Variants in TAX1BP1 observed in about 807,000 individuals in gnomAD.
TAX1BP1 encodes the protein tax1-binding protein 1.
TAX1BP1 carries 62 observed loss-of-function variants against 97.7 expected under a neutral mutation model. The observed-to-expected ratio is 0.63, with a 90% CI of 0.52 to 0.78. TAX1BP1 has a LOEUF of 0.78. Ranked by LOEUF, TAX1BP1 falls within the 30% of genes least tolerant of loss-of-function variation. The probability of loss-of-function intolerance (pLI) is 0.00; values close to 1 mark genes in which losing one functional copy is unlikely to be tolerated. For synonymous variants in TAX1BP1, 340 were observed against 304.2 expected, an observed-to-expected ratio of 1.12 and a Z score of -1.23; for missense variants, 867 against 916.1, an observed-to-expected ratio of 0.95 and a Z score of 0.69.
rs1391522248 is a variant in TAX1BP1, at chr7:27,787,598, A to G, written c.1033A>G (p.Ser345Gly). Reference sequence around the variant, plus strand: ...AAGAACTTTCCTGCTTACAACCTCAAGTAAAGTAAGTACTTTTGCTATATA... The same window carrying G: ...AAGAACTTTCCTGCTTACAACCTCAGGTAAAGTAAGTACTTTTGCTATATA... ...LQRTFLLTTSSKEDTCFLKEQ... is the reference protein window; with the variant it reads ...LQRTFLLTTSGKEDTCFLKEQ... Residue 345 changes from serine (S) to glycine (G), a missense_variant, in exon 8 of 17, where the codon AGT (serine) becomes GGT (glycine). Ser to Gly is a moderately conservative substitution (Grantham distance 56, BLOSUM62 0). Around this residue, in one of 3 missense-constraint regions of TAX1BP1, gnomAD observed 822 missense variants for 851.4 expected, o/e 0.97. Coordinates refer to ENST00000396319, the MANE Select transcript of TAX1BP1 (RefSeq NM_006024.7). 1 of 1,604,976 alleles carries G rather than the reference A, an allele frequency of 6.2e-7. No individual in the cohort carries two copies. Among genetic ancestry groups the G allele is most frequent in the Non-Finnish European group, 8.5e-7 (1 of 1,176,756 alleles).
chr7:27,754,929 A>G (rs904132460), intron 2 of TAX1BP1, among the ~76,000 whole-genome samples: 3 of 151,948 alleles, frequency 2.0e-5, no homozygotes, highest in African/African-American at 7.3e-5. Context: ...GGCATATCTC[A>G]TGCCTTTTTT....
At chr7:27,768,019 G>A (rs1788706168) in intron 4 of TAX1BP1, among the ~76,000 whole-genome samples, 1 of 151,818 alleles carries the variant, frequency 6.6e-6, no homozygotes, top group Non-Finnish European at 1.5e-5. Flanking sequence ...GCAATCTGTG[G>A]ACCTTGATTG....
rs766019732 is a variant in TAX1BP1, at chr7:27,758,009, C to A, written c.163-22C>A. ...TTAAACTATTTGCTTATAAATCCGC[C>A]TTTTTTGTTATTTCCCTTTAGGTTG... On this transcript the variant is annotated intron_variant, in intron 2 of 16. Transcript: ENST00000396319. 8 of 1,562,060 alleles carry A rather than the reference C, an allele frequency of 5.1e-6. 1 individual carries two copies. In the South Asian group the frequency reaches 9.2e-5, roughly 18 times the overall value.
chr7:27,754,639 C>A (rs776172381), intron 2 of TAX1BP1, among the ~76,000 whole-genome samples: 1 of 152,114 alleles, frequency 6.6e-6, no homozygotes, highest in Non-Finnish European at 1.5e-5. Flanking sequence ...GTGGTGCGAT[C>A]TTGGCTCGCT....
intron 3 of TAX1BP1, among the ~76,000 whole-genome samples, chr7:27,762,984 TA>T (rs1788484548): frequency 6.6e-6 from 1 of 152,178 alleles, no homozygotes; most frequent in Non-Finnish European, 1.5e-5. Context: ...CTAAATGCAA[TA>T]TGTTTTACAA....
chr7:27,761,414 T>C (rs73295545), intron 3 of TAX1BP1, among the ~76,000 whole-genome samples: 6,231 of 152,262 alleles, frequency 0.041, 394 homozygotes, highest in African/African-American at 0.14. Flanking sequence ...TATGAAGACA[T>C]ATACCTACTG....
At chr7:27,820,212 T>A (rs1310339850) in intron 15 of TAX1BP1, among the ~76,000 whole-genome samples, 5 of 152,218 alleles carry the variant, frequency 3.3e-5, no homozygotes, top group Non-Finnish European at 7.3e-5. Context: ...CTCTTCTACC[T>A]TCATTCCTTT....
At chr7:27,805,265 T>C (rs1463848018) in intron 13 of TAX1BP1, among the ~76,000 whole-genome samples, 1 of 152,194 alleles carries the variant, frequency 6.6e-6, no homozygotes, top group African/African-American at 2.4e-5. Context: ...ATGAGCAAGG[T>C]TAAACATCTT....
chr7:27,771,012 G>T (rs1788823251), intron 5 of TAX1BP1, among the ~76,000 whole-genome samples: 1 of 146,270 alleles, frequency 6.8e-6, no homozygotes, highest in East Asian at 2.1e-4. Flanking sequence ...TTTTTCATTT[G>T]AACCTTTGAA....
At chr7:27,743,347 C>T (rs965273720) in intron 1 of TAX1BP1, among the ~76,000 whole-genome samples, 10 of 152,132 alleles carry the variant, frequency 6.6e-5, no homozygotes, top group African/African-American at 1.9e-4. Context: ...TAATTGGAAA[C>T]TATTTGAATG....
chr7:27,760,016 G>A (rs1479533553), intron 3 of TAX1BP1, among the ~76,000 whole-genome samples: 1 of 151,924 alleles, frequency 6.6e-6, no homozygotes, highest in Non-Finnish European at 1.5e-5. Flanking sequence ...ACCACGCTTG[G>A]CTGATTTTTG....
chr7:27,792,909 C>T (rs539152560), intron 9 of TAX1BP1, among the ~76,000 whole-genome samples, 157 bp from the exon 10 acceptor site: 76 of 152,082 alleles, frequency 5.0e-4, no homozygotes, highest in African/African-American at 1.8e-3. Context: ...CTGCAGTGAG[C>T]CATAATTGGG....
At chr7:27,767,979 C>T (rs1238185905) in intron 4 of TAX1BP1, among the ~76,000 whole-genome samples, 1 of 151,776 alleles carries the variant, frequency 6.6e-6, no homozygotes, top group African/African-American at 2.4e-5. Context: ...GTCCTGTTGA[C>T]ATTAAAAGTG....
At chr7:27,795,891 T>A (rs1789912872) in intron 11 of TAX1BP1, among the ~76,000 whole-genome samples, 1 of 152,192 alleles carries the variant, frequency 6.6e-6, no homozygotes, top group Non-Finnish European at 1.5e-5. Flanking sequence ...AATAATCCTT[T>A]ATTATTGAAT....
At chr7:27,783,361 C>T (rs759579598) in intron 5 of TAX1BP1, among the ~76,000 whole-genome samples, 1 of 152,108 alleles carries the variant, frequency 6.6e-6, no homozygotes, top group African/African-American at 2.4e-5. Flanking sequence ...CTAAGAACGA[C>T]GGAGCCACAT....
chr7:27,751,519 T>C (rs1020721080), intron 2 of TAX1BP1, among the ~76,000 whole-genome samples: 1 of 152,216 alleles, frequency 6.6e-6, no homozygotes, highest in Non-Finnish European at 1.5e-5. Flanking sequence ...TGTTGCTAAA[T>C]GCTTATCATT....
At chr7:27,770,626 C>T (rs2128312681) in intron 5 of TAX1BP1, among the ~76,000 whole-genome samples, 1 of 152,140 alleles carries the variant, frequency 6.6e-6, no homozygotes, top group South Asian at 2.1e-4. Flanking sequence ...AGGCCTCCAG[C>T]AATTGCTTAA....
upstream of TAX1BP1, chr7:27,739,547 G>A (rs1050779015): frequency 6.6e-6 from 1 of 152,222 alleles, no homozygotes; most frequent in Admixed American, 6.5e-5. Context: ...GATAACAAAA[G>A]CAGGTAACTC....
chr7:27,813,374 A>T (rs1583403795), intron 13 of TAX1BP1, among the ~76,000 whole-genome samples: 2 of 142,402 alleles, frequency 1.4e-5, no homozygotes, highest in Non-Finnish European at 1.5e-5. Context: ...TTTTTTTCTG[A>T]GACAGGGTCT....
Sources: gnomAD v4.1 joint callset for allele counts (sites outside exome capture counted in the v4.1 genomes callset) on GRCh38, gnomAD v4.1.1 for gene constraint, gnomAD v4.1.1 regional missense constraint, MANE v1.5 for transcripts, NCBI Gene and HGNC (gene_info 2026-07-23, HGNC 2026-07-21) for gene names.